Variants in SCAMP1 observed in about 807,000 individuals in gnomAD.
The protein encoded by SCAMP1 is secretory carrier-associated membrane protein 1.
In SCAMP1, 15 loss-of-function variants were observed where a neutral mutation model predicts 41.8. That is an observed-to-expected ratio of 0.36 (90% CI 0.24 to 0.55). The LOEUF (loss-of-function observed/expected upper bound fraction) is 0.55, where lower values mean the gene tolerates loss of function less well. SCAMP1 is among the 20% of genes least tolerant of loss of function. The probability of loss-of-function intolerance (pLI) is 0.86; values close to 1 mark genes in which losing one functional copy is unlikely to be tolerated. For missense variants in SCAMP1, 341 were observed against 412.6 expected (o/e 0.83, Z 1.50); for synonymous variants, 135 against 136.8 (o/e 0.99, Z 0.09).
At chr5:78,441,371 T>A (rs1752919717) in intron 6 of SCAMP1, among the ~76,000 whole-genome samples, 1 of 152,164 alleles carries the variant, frequency 6.6e-6, no homozygotes, top group African/African-American at 2.4e-5. Context: ...TGATTTAGGG[T>A]TTGAAGTTAT....
intron 6 of SCAMP1, among the ~76,000 whole-genome samples, chr5:78,437,590 T>C (rs58267334): frequency 0.27 from 41,430 of 152,138 alleles, 5,931 homozygotes; most frequent in East Asian, 0.53. Flanking sequence ...ATAAGCTTTT[T>C]GATGTGCTGC....
intron 1 of SCAMP1, among the ~76,000 whole-genome samples, chr5:78,386,736 C>T (rs1751351287): frequency 6.6e-6 from 1 of 152,072 alleles, no homozygotes; most frequent in Non-Finnish European, 1.5e-5. Flanking sequence ...TTGCTGGATA[C>T]AGAATTCTTG....
At chr5:78,418,082 T>C (rs1478973014) in intron 4 of SCAMP1, among the ~76,000 whole-genome samples, 1 of 152,186 alleles carries the variant, frequency 6.6e-6, no homozygotes, top group South Asian at 2.1e-4. Context: ...GGTTTCTTTA[T>C]GTAGACACAT....
chr5:78,435,335 A>G (rs1173030620), intron 6 of SCAMP1, among the ~76,000 whole-genome samples: 1 of 152,198 alleles, frequency 6.6e-6, no homozygotes, highest in African/African-American at 2.4e-5. Flanking sequence ...TGCTGCACCC[A>G]TCAACTCATC....
In SCAMP1 at chr5:78,476,010, C is replaced by G. The variant is rs1753995480; in HGVS notation, c.*342C>G. On this transcript the variant is annotated 3_prime_UTR_variant, in exon 9 of 9. Coordinates refer to ENST00000621999, the MANE Select transcript of SCAMP1 (RefSeq NM_004866.6). ...GCATTTAATACTAACTGCAGTAGTT[C>G]TTTCAAGAATCTTTAGAGATAAGGA... The G allele has an allele frequency of 6.4e-6, 1 of 155,222 alleles. No individual in the cohort carries two copies. The highest frequency in any genetic ancestry group is 2.1e-4 in the South Asian group (1 of 4,876). 9.6% of individuals were successfully genotyped at this position (155,222 alleles called of 1,614,324 possible).
intron 6 of SCAMP1, among the ~76,000 whole-genome samples, chr5:78,440,028 T>C (rs1752877596): frequency 6.6e-6 from 1 of 152,216 alleles, no homozygotes; most frequent in African/African-American, 2.4e-5. Flanking sequence ...AATCACATAG[T>C]TCTCGTGCCG....
At chr5:78,393,518 A>G (rs760860051) in intron 2 of SCAMP1, among the ~76,000 whole-genome samples, 2 of 152,210 alleles carry the variant, frequency 1.3e-5, no homozygotes, top group African/African-American at 2.4e-5. Context: ...ACATTCAGAG[A>G]AAGGAGTTGT....
At chr5:78,443,397 A>G (rs1338962387) in intron 6 of SCAMP1, among the ~76,000 whole-genome samples, 2 of 152,116 alleles carry the variant, frequency 1.3e-5, no homozygotes, top group Non-Finnish European at 2.9e-5. Flanking sequence ...TGGGCAATAC[A>G]TGTGTTTGAC....
At position 78,476,750 on chromosome 5, in the gene SCAMP1, G is replaced by C. The variant is rs1480232550; in HGVS notation, c.*1082G>C. ...TTTTCACATACTTGAATCCCTAAAT[G>C]CACCTGTCTTTCACTTTTTGAGACA... On this transcript the variant is annotated 3_prime_UTR_variant, in exon 9 of 9. Transcript: ENST00000621999. 2 of 152,326 alleles carry C rather than the reference G, an allele frequency of 1.3e-5. No homozygotes were observed. The highest frequency in any genetic ancestry group is 4.8e-5 in the African/African-American group (2 of 41,338). The allele number at this position is 152,326 out of a possible 1,614,324, so 9.4% of individuals were successfully genotyped here.
intron 2 of SCAMP1, among the ~76,000 whole-genome samples, chr5:78,393,327 C>A (rs1182958222): frequency 6.6e-6 from 1 of 152,206 alleles, no homozygotes; most frequent in Non-Finnish European, 1.5e-5. Flanking sequence ...CAGGTATACT[C>A]TACCACATGT....
At chr5:78,442,487 G>A (rs1752951252) in intron 6 of SCAMP1, among the ~76,000 whole-genome samples, 1 of 152,124 alleles carries the variant, frequency 6.6e-6, no homozygotes, top group Admixed American at 6.5e-5. Flanking sequence ...TCGAACTCCT[G>A]ACCTCAGGTG....
intron 8 of SCAMP1, among the ~76,000 whole-genome samples, chr5:78,465,822 ACT>A (rs1429620818): frequency 4.6e-5 from 7 of 151,910 alleles, no homozygotes; most frequent in African/African-American, 1.7e-4. Context: ...AGAAGTTGAA[ACT>A]CTGGTCCACA....
intron 7 of SCAMP1, among the ~76,000 whole-genome samples, chr5:78,458,628 T>C (rs1474466269): frequency 6.6e-6 from 1 of 152,226 alleles, no homozygotes; most frequent in African/African-American, 2.4e-5. Flanking sequence ...GCTCACGCTA[T>C]AATCCCAGTT....
intron 6 of SCAMP1, among the ~76,000 whole-genome samples, chr5:78,432,608 C>G (rs770038247): frequency 1.4e-4 from 21 of 151,874 alleles, no homozygotes; most frequent in Non-Finnish European, 2.9e-4. Flanking sequence ...TTTAGTGTGT[C>G]TTGTTTTCTC....
chr5:78,408,698 A>G (rs1751993898), intron 2 of SCAMP1, among the ~76,000 whole-genome samples: 1 of 152,128 alleles, frequency 6.6e-6, no homozygotes. Flanking sequence ...TCCTGGGCTC[A>G]AGCTATCCTT....
At chr5:78,448,198 T>TG in intron 6 of SCAMP1, among the ~76,000 whole-genome samples, 1 of 135,294 alleles carries the variant, frequency 7.4e-6, no homozygotes, top group East Asian at 2.1e-4. Flanking sequence ...TGTTTTTTTT[T>TG]GTTTTTTTTT....
At chr5:78,370,094 T>C (rs1379554483) in intron 1 of SCAMP1, among the ~76,000 whole-genome samples, 1 of 152,236 alleles carries the variant, frequency 6.6e-6, no homozygotes. Flanking sequence ...TCTGTATATA[T>C]CTTTAAAATA....
chr5:78,384,707 G>T (rs923880077), intron 1 of SCAMP1, among the ~76,000 whole-genome samples: 3 of 152,038 alleles, frequency 2.0e-5, no homozygotes, highest in Non-Finnish European at 2.9e-5. Flanking sequence ...CTATTGAGAT[G>T]ATCAGGTAAT....
intron 1 of SCAMP1, among the ~76,000 whole-genome samples, chr5:78,376,933 G>A (rs1289226402): frequency 1.3e-5 from 2 of 152,112 alleles, no homozygotes; most frequent in Non-Finnish European, 2.9e-5. Flanking sequence ...TGAGAGAAAA[G>A]GATAATTGAC....
Sources: gnomAD v4.1 joint callset for allele counts (sites outside exome capture counted in the v4.1 genomes callset) on GRCh38, gnomAD v4.1.1 for gene constraint, MANE v1.5 for transcripts, NCBI Gene and HGNC (gene_info 2026-07-23, HGNC 2026-07-21) for gene names.